Variants in IDH1 observed in about 807,000 individuals in gnomAD.
The protein encoded by IDH1 is isocitrate dehydrogenase (NADP(+)) 1.
IDH1 carries 33 observed loss-of-function variants against 46.1 expected under a neutral mutation model. The ratio of observed to expected loss-of-function variants is 0.72; its 90% confidence interval spans 0.54 to 0.96. The LOEUF is 0.96. Among genes scored for constraint, IDH1 ranks in the 40% least tolerant of loss-of-function variants. The pLI is 0.00. For missense variants in IDH1, 421 were observed against 515.7 expected, an observed-to-expected ratio of 0.82 and a Z score of 1.78; for synonymous variants, 144 against 172.8, an observed-to-expected ratio of 0.83 and a Z score of 1.31.
In IDH1 at chr2:208,242,005, G is replaced by C. The variant is rs757389021; in HGVS notation, c.839C>G (p.Ser280Cys). 2.5e-6 allele frequency: 4 copies of C among 1,612,112 alleles called. No homozygotes were observed. In the Admixed American group the frequency reaches 6.7e-5, roughly 27 times the overall value. ...KNYDGDVQSD[S>C]VAQGYGSLGM... ...CTCCACCTCTGTACCTTGGGCCACA[G>C]AGTCCGACTGCACGTCACCATCATA... Residue 280 changes from serine (S) to cysteine (C), a missense_variant, in exon 7 of 10, where the codon TCT becomes TGT. Transcript: ENST00000345146.
chr2:208,251,057 T>A (rs1003891752), intron 3 of IDH1, among the ~76,000 whole-genome samples: 1 of 152,228 alleles, frequency 6.6e-6, no homozygotes, highest in Non-Finnish European at 1.5e-5. Context: ...TCCCTTATAA[T>A]TCTTGACTTT....
At position 208,243,496 on chromosome 2, in the gene IDH1, C is replaced by T. The variant is rs2124853897; in HGVS notation, c.629G>A (p.Ser210Asn). 6.2e-7 allele frequency: 1 copy of T among 1,614,000 alleles called. No homozygotes were observed. The highest frequency in any genetic ancestry group is 8.5e-7 in the Non-Finnish European group (1 of 1,179,896). Residue 210 changes from serine (S) to asparagine (N), a missense_variant, in exon 6 of 10, where the codon AGC becomes AAC. By Grantham distance (46) the Ser-to-Asn change is conservative. Coordinates refer to ENST00000345146, the MANE Select transcript of IDH1 (RefSeq NM_005896.4). ...TTTCTTCAGAATAGTGTTTTTGGTGCTCAGATACAAAGGCCAACCCTTAGA... is the reference window on the plus strand; with the variant it reads ...TTTCTTCAGAATAGTGTTTTTGGTGTTCAGATACAAAGGCCAACCCTTAGA... ...ALSKGWPLYL[S>N]TKNTILKKYD...
chr2:208,239,458 G>A (rs1055213655), intron 8 of IDH1, among the ~76,000 whole-genome samples: 2 of 152,130 alleles, frequency 1.3e-5, no homozygotes, highest in African/African-American at 4.8e-5. Context: ...TGAAACTTAA[G>A]GCATTTTCTA....
At chr2:208,246,314 G>C (rs1688021582) in intron 4 of IDH1, among the ~76,000 whole-genome samples, 1 of 152,284 alleles carries the variant, frequency 6.6e-6, no homozygotes, top group East Asian at 1.9e-4. Flanking sequence ...GCAGAGTTAG[G>C]TACCAGCAGG....
intron 3 of IDH1, 118 bp downstream of exon 3, chr2:208,251,312 G>C: frequency 5.9e-6 from 6 of 1,013,934 alleles, no homozygotes; most frequent in Non-Finnish European, 9.1e-6. Flanking sequence ...TTGAATTCCT[G>C]GTCTTGAGGG....
chr2:208,249,478 A>G (rs1461672172), intron 3 of IDH1, among the ~76,000 whole-genome samples: 1 of 152,208 alleles, frequency 6.6e-6, no homozygotes, highest in Non-Finnish European at 1.5e-5. Context: ...ATATACACCA[A>G]CACAAAGATT....
intron 2 of IDH1, among the ~76,000 whole-genome samples, chr2:208,251,788 C>T (rs928667633): frequency 6.6e-5 from 10 of 152,000 alleles, no homozygotes; most frequent in Non-Finnish European, 1.3e-4. Flanking sequence ...GTTTCACACG[C>T]GGTTTCTGAG....
chr2:208,249,100 T>C (rs1020917174), intron 3 of IDH1, among the ~76,000 whole-genome samples: 5 of 152,110 alleles, frequency 3.3e-5, no homozygotes, highest in African/African-American at 1.2e-4. Flanking sequence ...TATTTTGACG[T>C]TGAAGTGGTG....
chr2:208,240,486 T>G (rs1313220652), intron 7 of IDH1, among the ~76,000 whole-genome samples: 3 of 152,192 alleles, frequency 2.0e-5, no homozygotes, highest in Non-Finnish European at 2.9e-5. Flanking sequence ...TGCAATGCTC[T>G]GCTGTTCTGG....
Position 208,248,457 on chromosome 2 carries a change from C to T in IDH1, c.326G>A (p.Arg109Lys), listed in dbSNP as rs1428437794. The T allele has an allele frequency of 1.2e-6, 2 of 1,614,194 alleles. No individual in the cohort carries two copies. The highest frequency in any genetic ancestry group is 1.7e-6 in the Non-Finnish European group (2 of 1,180,016). Residue 109 changes from arginine (R) to lysine (K), a missense_variant, in exon 4 of 10, where the codon AGA becomes AAA. By Grantham distance (26) the Arg-to-Lys change is conservative. Transcript: ENST00000345146. ...GATATTTTTGCAGATAATGGCTTCTCTGAAGACCGTGCCACCCAGAATATT... is the reference window on the plus strand; with the variant it reads ...GATATTTTTGCAGATAATGGCTTCTTTGAAGACCGTGCCACCCAGAATATT... Reference protein sequence around the residue: ...IRNILGGTVFREAIICKNIPR... With the variant: ...IRNILGGTVFKEAIICKNIPR...
intron 9 of IDH1, among the ~76,000 whole-genome samples, chr2:208,238,249 A>C (rs1363508051): frequency 6.6e-6 from 1 of 151,980 alleles, no homozygotes; most frequent in Non-Finnish European, 1.5e-5. Context: ...GTTAGCCAGG[A>C]TGGTCTTGAT....
Position 208,251,668 on chromosome 2 carries a change from AAG to A in IDH1, c.-16-103_-16-102del. On this transcript the variant is annotated intron_variant, in intron 2 of 9. Coordinates refer to ENST00000345146, the MANE Select transcript of IDH1 (RefSeq NM_005896.4). Reference sequence around the variant, plus strand: ...ATATAAACAACGTAGTGACTACTAAAAGAACAATTCATGCAATTCAATTTATG... The same window carrying A: ...ATATAAACAACGTAGTGACTACTAAAAACAATTCATGCAATTCAATTTATG... The A allele has an allele frequency of 5.6e-6, 5 of 897,422 alleles. No individual in the cohort carries two copies. In the South Asian group the frequency reaches 7.5e-5, roughly 13 times the overall value. 55.6% of individuals were successfully genotyped at this position (897,422 alleles called of 1,614,324 possible).
chr2:208,251,632 A>G, intron 2 of IDH1, 65 bp from the exon 3 acceptor site: 18 of 1,341,110 alleles, frequency 1.3e-5, no homozygotes, highest in Non-Finnish European at 1.5e-5. Context: ...TATATAAACA[A>G]CGTAGTGTTT....
intron 9 of IDH1, 101 bp downstream of exon 9, chr2:208,238,970 G>A: frequency 1.9e-6 from 2 of 1,079,444 alleles, no homozygotes; most frequent in Non-Finnish European, 2.9e-6. Context: ...TGAACTAGAT[G>A]ATGAATAACA....
intron 9 of IDH1, among the ~76,000 whole-genome samples, chr2:208,238,500 C>T (rs2124846411): frequency 6.6e-6 from 1 of 152,294 alleles, no homozygotes; most frequent in South Asian, 2.1e-4. Context: ...GAAAAATTCT[C>T]AGTAAACATA....
intron 4 of IDH1, 200 bp downstream of exon 4, chr2:208,248,169 C>G: frequency 1.7e-6 from 1 of 589,198 alleles, no homozygotes; most frequent in South Asian, 2.1e-5. Context: ...GAGATGGACG[C>G]CTATTTGTAA....
intron 7 of IDH1, chr2:208,240,307 C>T (rs555071360): frequency 8.6e-5 from 32 of 373,174 alleles, no homozygotes; most frequent in Non-Finnish European, 1.4e-4. Context: ...ATAGCTACTG[C>T]GGCTCAGTTT....
chr2:208,252,190 G>A (rs1488043968), intron 2 of IDH1, among the ~76,000 whole-genome samples: 1 of 152,190 alleles, frequency 6.6e-6, no homozygotes, highest in Non-Finnish European at 1.5e-5. Context: ...AAGAATTCCT[G>A]GTGGAACTGT....
intron 8 of IDH1, 28 bp from the exon 9 acceptor site, chr2:208,239,261 C>G (rs780519217): frequency 4.3e-6 from 7 of 1,611,314 alleles, no homozygotes; most frequent in Non-Finnish European, 5.9e-6. Flanking sequence ...AAACACAACA[C>G]TCCAATCATC....
Sources: allele counts gnomAD v4.1 joint callset (sites outside exome capture counted in the v4.1 genomes callset), GRCh38; gene constraint gnomAD v4.1.1; transcripts MANE v1.5; gene names NCBI Gene and HGNC (gene_info 2026-07-23, HGNC 2026-07-21).